The following GRIN2D variants were observed in gnomAD, a reference collection of about 807,000 sequenced individuals.
The protein encoded by GRIN2D is glutamate receptor ionotropic, NMDA 2D.
Under a neutral mutation model 103.2 loss-of-function variants are expected in GRIN2D, and 37 were observed. The observed-to-expected ratio is 0.36, with a 90% CI of 0.28 to 0.47. The LOEUF is 0.47. GRIN2D is among the 20% of genes least tolerant of loss of function. The probability of loss-of-function intolerance (pLI) is 1.00; values close to 1 mark genes in which losing one functional copy is unlikely to be tolerated. For missense variants in GRIN2D, 1,557 were observed against 1,910.6 expected (o/e 0.81, Z 3.45); for synonymous variants, 845 against 885.6 (o/e 0.95, Z 0.81).
rs959706806 is a variant in GRIN2D at position 48,421,200 on chromosome 19, G to A, written c.2092-585G>A. Among the ~76,000 whole-genome samples, 2 of 152,106 alleles carry A rather than the reference G, an allele frequency of 1.3e-5. No homozygotes were observed. The highest frequency in any genetic ancestry group is 2.9e-5 in the Non-Finnish European group (2 of 68,024). On this transcript the variant is annotated intron_variant, in intron 10 of 13. Transcript: ENST00000263269. This position sits in a 1 kb window ranked among gnomAD's most constrained non-coding sequence, Gnocchi z 4.8. ...TCCCAGCACTTTGGGAGGCCAAGGCGGGCGGATCACCTGAGGTTGGTAGTT... is the reference window on the plus strand; with the variant it reads ...TCCCAGCACTTTGGGAGGCCAAGGCAGGCGGATCACCTGAGGTTGGTAGTT...
At chr19:48,415,085 G>C (rs774660236) in intron 7 of GRIN2D, 53 bp downstream of exon 7, 6 of 1,479,806 alleles carry the variant, frequency 4.1e-6, no homozygotes, top group Non-Finnish European at 5.5e-6. Flanking sequence ...CGAGAGGCGG[G>C]CACAGCCGGG....
chr19:48,442,525 G>A lies in GRIN2D; in HGVS notation c.2674-75G>A. The A allele has an allele frequency of 5.4e-6, 8 of 1,484,282 alleles. No homozygotes were observed. The highest frequency in any genetic ancestry group is 7.1e-6 in the Non-Finnish European group (8 of 1,120,346). 91.9% of individuals were successfully genotyped at this position (1,484,282 alleles called of 1,614,324 possible). ...AACACAGGCGGGTAAATGGAGAGGA[G>A]AGAGGGACTGAGGGGAGGCGGGCAG... is the stretch of plus-strand genomic sequence containing the variant. On this transcript the variant is annotated intron_variant, in intron 13 of 13. Coordinates refer to ENST00000263269, the MANE Select transcript of GRIN2D (RefSeq NM_000836.4). This position sits in a 1 kb window ranked among gnomAD's most constrained non-coding sequence, Gnocchi z 7.2.
rs192161003 is a variant in GRIN2D at position 48,412,736 on chromosome 19, C to G, written c.1086-1255C>G. Reference sequence around the variant, plus strand: ...CCCGGGAGGCGGAGGTTGCAGTGAGCTGAGACCACACCATTGCACTCCAGC... The same window carrying G: ...CCCGGGAGGCGGAGGTTGCAGTGAGGTGAGACCACACCATTGCACTCCAGC... On this transcript the variant is annotated intron_variant, in intron 4 of 13. Coordinates refer to ENST00000263269, the MANE Select transcript of GRIN2D (RefSeq NM_000836.4). 2.8e-3 allele frequency among the ~76,000 whole-genome samples: 424 copies of G among 150,586 alleles called. 2 individuals carry two copies. The highest frequency in any genetic ancestry group is 4.2e-3 in the Non-Finnish European group (283 of 67,754).
rs1970600618 is a variant in GRIN2D, at chr19:48,394,121, C to T, written c.-306+253C>T. On this transcript the variant is annotated intron_variant, in intron 1 of 13. Transcript: ENST00000263269. The surrounding 1 kb of genome is among the most constrained non-coding windows in gnomAD (Gnocchi z 5.1). ...GGCGTCCCCGGCTGCCTGTGTCCTC[C>T]TGTCTGTCCAAACAGCCCCTATCAG... Among the ~76,000 whole-genome samples the T allele has an allele frequency of 6.6e-6, 1 of 152,090 alleles. No individual in the cohort carries two copies. Among genetic ancestry groups the T allele is most frequent in the African/African-American group, 2.4e-5 (1 of 41,442 alleles).
At position 48,404,348 on chromosome 19, in the gene GRIN2D, C is replaced by A. The variant is rs1049260368; in HGVS notation, c.466-386C>A. Among the ~76,000 whole-genome samples, 44 of 151,548 alleles carry A rather than the reference C, an allele frequency of 2.9e-4. 1 individual carries two copies. Among genetic ancestry groups the A allele is most frequent in the African/African-American group, 1.0e-3 (41 of 41,200 alleles). On this transcript the variant is annotated intron_variant, in intron 3 of 13. Transcript: ENST00000263269. Reference sequence around the variant, plus strand: ...TCACCCTCTTGTAGCTCTGTAATCCCCTTCAGAGGACTAAGCTTCAAGAGT... The same window carrying A: ...TCACCCTCTTGTAGCTCTGTAATCCACTTCAGAGGACTAAGCTTCAAGAGT...
rs1439719278 is a variant in GRIN2D at position 48,442,163 on chromosome 19, G to A, written c.2454G>A (p.Met818Ile). The A allele has an allele frequency of 3.1e-6, 5 of 1,614,148 alleles. No homozygotes were observed. In the South Asian group the frequency reaches 3.3e-5, roughly 11 times the overall value. Residue 818 changes from methionine (M) to isoleucine (I), a missense_variant, in exon 13 of 14, where the codon ATG becomes ATA. Coordinates refer to ENST00000263269, the MANE Select transcript of GRIN2D (RefSeq NM_000836.4). This position sits in a 1 kb window ranked among gnomAD's most constrained non-coding sequence, Gnocchi z 7.2. ...GCCCCTCCCTAGATGAGATCGAGAT[G>A]CTGGAGCGGCTGTGGCTCTCTGGGA... ...LQFLGDDEIE[M>I]LERLWLSGIC...
In GRIN2D at chr19:48,405,380, G is replaced by A. The variant is rs1333638005; in HGVS notation, c.1085+27G>A. 1.3e-6 allele frequency: 2 copies of A among 1,527,998 alleles called. No homozygotes were observed. Among genetic ancestry groups the A allele is most frequent in the Middle Eastern group, 1.9e-4 (1 of 5,398 alleles). 94.7% of individuals were successfully genotyped at this position (1,527,998 alleles called of 1,614,324 possible). A position where few individuals can be genotyped will look rare whatever the true frequency, so the allele number is the denominator to read the frequency against. On this transcript the variant is annotated intron_variant, in intron 4 of 13. Transcript: ENST00000263269. This position sits in a 1 kb window ranked among gnomAD's most constrained non-coding sequence, Gnocchi z 5.1. ...TGAGTGGGGCTGGAATGGGAGGGGT[G>A]TGGGAGGGCTCCCAGAGCCTAACTA... is the stretch of plus-strand genomic sequence containing the variant.
chr19:48,404,776 C>CA lies in GRIN2D; in HGVS notation c.510dup (p.Gln171ThrfsTer7), dbSNP rs1178026683. ...CCTGCAGCTGGGCTCTTCCACCGAGCAACAGCTTCAGGTCATCTTTGAGGT... is the reference window on the plus strand; with the variant it reads ...CCTGCAGCTGGGCTCTTCCACCGAGCAAACAGCTTCAGGTCATCTTTGAGGT... On this transcript the variant is annotated frameshift_variant, in exon 4 of 14. Coordinates refer to ENST00000263269, the MANE Select transcript of GRIN2D (RefSeq NM_000836.4). LOFTEE classifies it high-confidence loss of function. The CA allele has an allele frequency of 6.2e-7, 1 of 1,612,884 alleles. No homozygotes were observed. Among genetic ancestry groups the CA allele is most frequent in the African/African-American group, 1.3e-5 (1 of 74,920 alleles).
Position 48,442,200 on chromosome 19 carries a change from G to A in GRIN2D, c.2491G>A (p.Asp831Asn), listed in dbSNP as rs2147475385. ...RLWLSGICHN[D>N]KIEVMSSKLD... ...GTGGCTCTCTGGGATCTGCCACAAT[G>A]ACAAAATCGAGGTGATGAGCAGCAA... The change falls in exon 13 of 14, where the codon GAC (aspartate) becomes AAC (asparagine). Residue 831 changes from aspartate to asparagine, a missense_variant. By Grantham distance (23) the Asp-to-Asn change is conservative (BLOSUM62 1). Around this residue, in one of 7 missense-constraint regions of GRIN2D, gnomAD observed 138 missense variants for 270.2 expected, o/e 0.51. Coordinates refer to ENST00000263269, the MANE Select transcript of GRIN2D (RefSeq NM_000836.4). This position sits in a 1 kb window ranked among gnomAD's most constrained non-coding sequence, Gnocchi z 7.2. 6.2e-7 allele frequency: 1 copy of A among 1,614,188 alleles called. No individual in the cohort carries two copies. Among genetic ancestry groups the A allele is most frequent in the East Asian group, 2.2e-5 (1 of 44,880 alleles).
chr19:48,426,220 C>CTTTTTTTTTTTTTTTTTTTT (rs1253186603), intron 11 of GRIN2D, among the ~76,000 whole-genome samples: 2 of 127,108 alleles, frequency 1.6e-5, no homozygotes, highest in African/African-American at 7.0e-5. Flanking sequence ...TTCTTTCTTT[C>CTTTTTTTTTTTTTTTTTTTT]TTTCTTTTTT....
chr19:48,419,012 C>CTGGT (rs918535528), intron 8 of GRIN2D, among the ~76,000 whole-genome samples: 3 of 151,146 alleles, frequency 2.0e-5, no homozygotes, highest in African/African-American at 7.3e-5. Context: ...TTGTTCCCTG[C>CTGGT]TGGTAGTACC....
rs569544285 is a variant in GRIN2D, at chr19:48,441,268, C to T, written c.2253-501C>T. Among the ~76,000 whole-genome samples, 3 of 147,916 alleles carry T rather than the reference C, an allele frequency of 2.0e-5. No individual in the cohort carries two copies. In the South Asian group the frequency reaches 6.3e-4, roughly 31 times the overall value. ...ATCCCAGCTACTTGGGAGGCTGAGG[C>T]AGGAGAATCGCTTGAACCCAGGAGT... On this transcript the variant is annotated intron_variant, in intron 11 of 13. Transcript: ENST00000263269.
intron 2 of GRIN2D, among the ~76,000 whole-genome samples, chr19:48,397,051 C>T (rs1000319960): frequency 2.0e-5 from 3 of 152,118 alleles, no homozygotes; most frequent in Non-Finnish European, 2.9e-5. Flanking sequence ...TGTATTTCCT[C>T]TAATTTACCA....
intron 7 of GRIN2D, 140 bp downstream of exon 7, chr19:48,415,172 AC>A: frequency 2.6e-6 from 2 of 763,606 alleles, no homozygotes; most frequent in Non-Finnish European, 4.1e-6. Flanking sequence ...GGGGTTCGAG[AC>A]CAGTTTGGGC....
At chr19:48,425,022 TTCTCTCTC>T (rs111577135) in intron 11 of GRIN2D, among the ~76,000 whole-genome samples, 9 of 148,688 alleles carry the variant, frequency 6.1e-5, no homozygotes, top group African/African-American at 1.7e-4. Flanking sequence ...AGATTCTCTC[TTCTCTCTC>T]TCTCTCTCTC....
chr19:48,412,219 C>G (rs1970871379), intron 4 of GRIN2D, among the ~76,000 whole-genome samples: 1 of 151,692 alleles, frequency 6.6e-6, no homozygotes, highest in Non-Finnish European at 1.5e-5. Flanking sequence ...GTCCCAGTTA[C>G]TTGTGAGGCT....
Position 48,442,187 on chromosome 19 carries a change from G to A in GRIN2D, c.2478G>A (p.Gly826=). 6.2e-7 allele frequency: 1 copy of A among 1,614,182 alleles called. No homozygotes were observed. The highest frequency in any genetic ancestry group is 8.5e-7 in the Non-Finnish European group (1 of 1,180,034). The part of the protein sequence containing the change: ...IEMLERLWLS[G]ICHNDKIEVM... ...TGCTGGAGCGGCTGTGGCTCTCTGG[G>A]ATCTGCCACAATGACAAAATCGAGG... Residue 826 remains glycine, a synonymous_variant, in exon 13 of 14, where the codon GGG becomes GGA. Transcript: ENST00000263269. This position sits in a 1 kb window ranked among gnomAD's most constrained non-coding sequence, Gnocchi z 7.2.
chr19:48,413,246 A>AG (rs1970898787), intron 4 of GRIN2D, among the ~76,000 whole-genome samples: 1 of 146,284 alleles, frequency 6.8e-6, no homozygotes, highest in Non-Finnish European at 1.5e-5. Context: ...AGGCTGAGGC[A>AG]GGTGGATCAC....
In GRIN2D at chr19:48,416,403, T is replaced by G. The variant is rs572632369; in HGVS notation, c.1735+248T>G. 2.0e-5 allele frequency among the ~76,000 whole-genome samples: 3 copies of G among 152,326 alleles called. No homozygotes were observed. In the East Asian group the frequency reaches 5.8e-4, roughly 29 times the overall value. On this transcript the variant is annotated intron_variant, in intron 8 of 13. Coordinates refer to ENST00000263269, the MANE Select transcript of GRIN2D (RefSeq NM_000836.4). The stretch of plus-strand genomic sequence containing the variant: ...AAGCTTGAGCTCAGGAGCCTTCTCT[T>G]GCACTGCAGCTTCCAAGCCCTGCAC...
Sources: allele counts gnomAD v4.1 joint callset (sites outside exome capture counted in the v4.1 genomes callset), GRCh38; gene constraint gnomAD v4.1.1; regional missense constraint gnomAD v4.1.1; non-coding constraint Gnocchi (gnomAD v3.1); transcripts MANE v1.5; gene names NCBI Gene and HGNC (gene_info 2026-07-23, HGNC 2026-07-21).